WDR41: variants seen among roughly 807,000 people sequenced by gnomAD.
The protein encoded by WDR41 is WD repeat-containing protein 41.
WDR41 carries 63 observed loss-of-function variants against 69.3 expected under a neutral mutation model. The observed-to-expected ratio is 0.91, with a 90% CI of 0.74 to 1.12. WDR41 has a LOEUF of 1.12. Ranked by LOEUF, WDR41 falls within the 50% of genes most tolerant of loss-of-function variation. WDR41 has a pLI of 0.00. For synonymous variants in WDR41, 185 were observed against 192.1 expected (o/e 0.96, Z 0.31); for missense variants, 543 against 534.5 (o/e 1.02, Z -0.16).
intron 1 of WDR41, among the ~76,000 whole-genome samples, chr5:77,580,461 T>C (rs1743915215): frequency 6.6e-6 from 1 of 152,138 alleles, no homozygotes; most frequent in African/African-American, 2.4e-5. Context: ...CCTTGACACG[T>C]AGGCATTATT....
intron 5 of WDR41, among the ~76,000 whole-genome samples, chr5:77,455,088 T>C (rs1293204141): frequency 1.3e-5 from 2 of 152,214 alleles, no homozygotes; most frequent in Non-Finnish European, 2.9e-5. Flanking sequence ...GGCTGTATTG[T>C]ATCATTCTAG....
At chr5:77,447,371 T>C (rs2151299885) in intron 8 of WDR41, among the ~76,000 whole-genome samples, 1 of 152,228 alleles carries the variant, frequency 6.6e-6, no homozygotes. Flanking sequence ...TCCTCAAGGA[T>C]CTAGAACCAG....
chr5:77,473,627 G>C (rs1250496166), intron 2 of WDR41, among the ~76,000 whole-genome samples: 1 of 152,152 alleles, frequency 6.6e-6, no homozygotes, highest in African/African-American at 2.4e-5. Context: ...ATCAACAAGT[G>C]GGTAAAGGAT....
chr5:77,440,797 T>A lies in WDR41; in HGVS notation c.882+16A>T, dbSNP rs761994784. On this transcript the variant is annotated intron_variant, in intron 9 of 12. Coordinates refer to ENST00000296679, the MANE Select transcript of WDR41 (RefSeq NM_018268.4). Reference sequence around the variant, plus strand: ...ATGTCAAAGGCAAGTTTATAGATAGTGTATACATTTTTTACCTCTTCATCA... The same window carrying A: ...ATGTCAAAGGCAAGTTTATAGATAGAGTATACATTTTTTACCTCTTCATCA... 6.2e-7 allele frequency: 1 copy of A among 1,612,758 alleles called. No homozygotes were observed. The highest frequency in any genetic ancestry group is 1.7e-5 in the Admixed American group (1 of 59,994).
chr5:77,537,441 CAAG>C (rs1246660217), intron 1 of WDR41, among the ~76,000 whole-genome samples: 1 of 152,130 alleles, frequency 6.6e-6, no homozygotes, highest in Non-Finnish European at 1.5e-5. Flanking sequence ...GGGGTTTTCA[CAAG>C]AAGGAGTGGG....
intron 2 of WDR41, among the ~76,000 whole-genome samples, chr5:77,470,930 T>G (rs561325205): frequency 1.3e-5 from 2 of 152,178 alleles, no homozygotes; most frequent in Non-Finnish European, 2.9e-5. Flanking sequence ...GCAGACCTAA[T>G]AGACATCTAC....
At chr5:77,518,702 C>G (rs932035257) in intron 1 of WDR41, among the ~76,000 whole-genome samples, 6 of 152,046 alleles carry the variant, frequency 3.9e-5, no homozygotes, top group Non-Finnish European at 8.8e-5. Flanking sequence ...TAGCTACGAA[C>G]TTAAAATATG....
chr5:77,486,166 G>A (rs1174824664), intron 2 of WDR41, among the ~76,000 whole-genome samples: 5 of 152,142 alleles, frequency 3.3e-5, no homozygotes, highest in Admixed American at 6.5e-5. Flanking sequence ...TTCTTACGAA[G>A]ATGACTCTTT....
At chr5:77,483,749 C>A (rs573039950) in intron 2 of WDR41, among the ~76,000 whole-genome samples, 112 of 152,278 alleles carry the variant, frequency 7.4e-4, no homozygotes, top group Non-Finnish European at 1.3e-3. Context: ...GATCCCAAGA[C>A]ACAGTTTATA....
At chr5:77,504,310 C>T (rs1169121343) in intron 1 of WDR41, among the ~76,000 whole-genome samples, 1 of 152,112 alleles carries the variant, frequency 6.6e-6, no homozygotes, top group East Asian at 1.9e-4. Context: ...TACACCCTCC[C>T]AAGACTAAAC....
intron 2 of WDR41, 38 bp from the exon 3 acceptor site, chr5:77,464,847 G>A: frequency 6.3e-7 from 1 of 1,597,566 alleles, no homozygotes; most frequent in South Asian, 1.1e-5. Flanking sequence ...AAAAATCACT[G>A]GTGACATTTA....
At chr5:77,559,782 T>C (rs748473484) in intron 1 of WDR41, among the ~76,000 whole-genome samples, 1 of 152,126 alleles carries the variant, frequency 6.6e-6, no homozygotes, top group African/African-American at 2.4e-5. Flanking sequence ...GTAAACTGTA[T>C]ACACAATTCA....
At chr5:77,466,789 T>C (rs145951268) in intron 2 of WDR41, among the ~76,000 whole-genome samples, 20 of 150,924 alleles carry the variant, frequency 1.3e-4, no homozygotes, top group African/African-American at 3.4e-4. Flanking sequence ...TATTCTTATA[T>C]ATATTCTATT....
At chr5:77,590,667 G>T (rs1303186611) in intron 1 of WDR41, among the ~76,000 whole-genome samples, 1 of 152,218 alleles carries the variant, frequency 6.6e-6, no homozygotes, top group Non-Finnish European at 1.5e-5. Context: ...GGGAAGAGCA[G>T]CTAGCAGGAC....
intron 8 of WDR41, among the ~76,000 whole-genome samples, chr5:77,442,894 C>CCAAAAAAAAAAA (rs777919443): frequency 1.1e-4 from 6 of 56,262 alleles, no homozygotes; most frequent in Admixed American, 3.0e-4. Context: ...TCTGTCTCCC[C>CCAAAAAAAAAAA]AAAAAAAAAA....
chr5:77,471,229 A>G (rs1202859150), intron 2 of WDR41, among the ~76,000 whole-genome samples: 4 of 152,174 alleles, frequency 2.6e-5, no homozygotes, highest in Admixed American at 6.5e-5. Flanking sequence ...TGAAACCAAC[A>G]AGAACAAAGA....
At chr5:77,607,682 T>A (rs552544212) in intron 1 of WDR41, among the ~76,000 whole-genome samples, 17 of 152,356 alleles carry the variant, frequency 1.1e-4, no homozygotes, top group African/African-American at 4.1e-4. Flanking sequence ...GGGGAAATAT[T>A]CCCTATGGAT....
chr5:77,547,604 T>C (rs1018222600), intron 1 of WDR41, among the ~76,000 whole-genome samples: 1 of 149,884 alleles, frequency 6.7e-6, no homozygotes, highest in Non-Finnish European at 1.5e-5. Context: ...CAAGGAAAAT[T>C]ACAAAACACT....
intron 1 of WDR41, among the ~76,000 whole-genome samples, chr5:77,546,727 T>C (rs528722310): frequency 6.6e-6 from 1 of 152,094 alleles, no homozygotes; most frequent in Non-Finnish European, 1.5e-5. Context: ...CTATTGACAC[T>C]ATTCCACAAG....
Sources: gnomAD v4.1 joint callset for allele counts (sites outside exome capture counted in the v4.1 genomes callset) on GRCh38, gnomAD v4.1.1 for gene constraint, MANE v1.5 for transcripts, NCBI Gene and HGNC (gene_info 2026-07-23, HGNC 2026-07-21) for gene names.